AMOTL1: variants seen among roughly 807,000 people sequenced by gnomAD.
The protein encoded by AMOTL1 is angiomotin-like protein 1.
AMOTL1 carries 45 observed loss-of-function variants against 102.9 expected under a neutral mutation model. That is an observed-to-expected ratio of 0.44 (90% CI 0.34 to 0.56). The LOEUF (loss-of-function observed/expected upper bound fraction) is 0.56, where lower values mean the gene tolerates loss of function less well. Among genes scored for constraint, AMOTL1 ranks in the 20% least tolerant of loss-of-function variants. AMOTL1 has a pLI of 0.01. For missense variants in AMOTL1, 1,114 were observed against 1,225.6 expected (o/e 0.91, Z 1.36); for synonymous variants, 481 against 484.7 (o/e 0.99, Z 0.10).
At chr11:94,869,964 G>A (rs549485323) in intron 12 of AMOTL1, among the ~76,000 whole-genome samples, 4 of 152,326 alleles carry the variant, frequency 2.6e-5, no homozygotes, top group African/African-American at 9.6e-5. Context: ...CAGGACTAAC[G>A]AGCTGTTTAA....
intron 3 of AMOTL1, among the ~76,000 whole-genome samples, chr11:94,818,094 A>G (rs990977345): frequency 9.9e-5 from 15 of 152,248 alleles, no homozygotes; most frequent in Non-Finnish European, 1.6e-4. Context: ...CATAAGTTCA[A>G]TAAGAATCTT....
chr11:94,749,730 C>T (rs1037857073), intron 3 of AMOTL1, among the ~76,000 whole-genome samples: 7 of 152,140 alleles, frequency 4.6e-5, no homozygotes, highest in South Asian at 2.1e-4. Context: ...TAGTACTGAC[C>T]GCAGCCCATG....
At chr11:94,715,264 T>C (rs1175791426) in intron 1 of AMOTL1, among the ~76,000 whole-genome samples, 1 of 152,200 alleles carries the variant, frequency 6.6e-6, no homozygotes, top group Non-Finnish European at 1.5e-5. Context: ...CATTTGTTAA[T>C]AGCTGTTTTA....
chr11:94,775,562 G>C (rs374858893), intron 1 of AMOTL1, among the ~76,000 whole-genome samples: 10 of 152,004 alleles, frequency 6.6e-5, no homozygotes, highest in African/African-American at 2.4e-4. Flanking sequence ...GACCTATGCT[G>C]TCTGTAGTAA....
intron 2 of AMOTL1, among the ~76,000 whole-genome samples, chr11:94,797,746 A>G (rs1029101540): frequency 1.3e-5 from 2 of 152,222 alleles, no homozygotes; most frequent in African/African-American, 2.4e-5. Context: ...GAGAGCTAGC[A>G]TGTCTTGGAA....
At chr11:94,817,605 A>G (rs545211013) in intron 3 of AMOTL1, among the ~76,000 whole-genome samples, 1 of 152,340 alleles carries the variant, frequency 6.6e-6, no homozygotes, top group East Asian at 1.9e-4. Context: ...ATTGTATGCC[A>G]TAGAAGTAAC....
At chr11:94,743,770 T>G (rs536677181) in intron 3 of AMOTL1, among the ~76,000 whole-genome samples, 1 of 148,478 alleles carries the variant, frequency 6.7e-6, no homozygotes, top group East Asian at 2.1e-4. Flanking sequence ...CCTATTCTCC[T>G]GCCTCAGCCT....
chr11:94,792,859 G>A (rs1951308704), intron 1 of AMOTL1, among the ~76,000 whole-genome samples: 1 of 152,178 alleles, frequency 6.6e-6, no homozygotes, highest in South Asian at 2.1e-4. Flanking sequence ...CTCCGGCCCT[G>A]CTTCAAGGAT....
chr11:94,757,463 T>TA (rs964418673), intron 3 of AMOTL1, among the ~76,000 whole-genome samples: 1 of 152,164 alleles, frequency 6.6e-6, no homozygotes, highest in African/African-American at 2.4e-5. Context: ...GTCTGTGTTT[T>TA]AAAATCTGTA....
In AMOTL1 at chr11:94,852,276, G is replaced by T. The variant is rs114418124; in HGVS notation, c.1795-1657G>T. Among the ~76,000 whole-genome samples, 1,196 of 152,306 alleles carry T rather than the reference G, an allele frequency of 7.9e-3. 19 individuals are homozygous for T. The highest frequency in any genetic ancestry group is 0.028 in the African/African-American group (1,147 of 41,560). Reference sequence around the variant, plus strand: ...AAAGTTGCTCTCTCCTCCTTGAAAGGTCAAAGCATCTCCATTTTATTCCAG... The same window carrying T: ...AAAGTTGCTCTCTCCTCCTTGAAAGTTCAAAGCATCTCCATTTTATTCCAG... On this transcript the variant is annotated intron_variant, in intron 7 of 12. Transcript: ENST00000433060.
At chr11:94,735,156 G>A (rs1950419888) in intron 2 of AMOTL1, among the ~76,000 whole-genome samples, 1 of 152,330 alleles carries the variant, frequency 6.6e-6, no homozygotes, top group Middle Eastern at 3.4e-3. Context: ...GCTCCTCCAA[G>A]TAGAGCCTGC....
intron 2 of AMOTL1, among the ~76,000 whole-genome samples, chr11:94,729,494 G>A (rs1237211039): frequency 6.6e-6 from 1 of 152,026 alleles, no homozygotes; most frequent in Non-Finnish European, 1.5e-5. Context: ...TATAAACAGA[G>A]TAGGCCAGCT....
chr11:94,746,761 G>GC (rs1555062171), intron 3 of AMOTL1, among the ~76,000 whole-genome samples: 6 of 149,154 alleles, frequency 4.0e-5, no homozygotes, highest in Non-Finnish European at 8.8e-5. Context: ...ATGTTATTGT[G>GC]TTTTTTTGTT....
chr11:94,759,641 C>T (rs1177063945), intron 3 of AMOTL1, among the ~76,000 whole-genome samples: 1 of 149,820 alleles, frequency 6.7e-6, no homozygotes, highest in Admixed American at 6.6e-5. Flanking sequence ...GGCTCTGTCA[C>T]TTATTAGCCA....
Position 94,830,211 on chromosome 11 carries a change from T to C in AMOTL1, c.1558+17T>C. On this transcript the variant is annotated intron_variant, in intron 5 of 12. Transcript: ENST00000433060. ...ACCTCCGAGGCAGGTTTATTCATGT[T>C]CTCTCTATCTAAACTACCTGTAGAG... 6.3e-7 allele frequency: 1 copy of C among 1,583,592 alleles called. No homozygotes were observed. Among genetic ancestry groups the C allele is most frequent in the Non-Finnish European group, 8.6e-7 (1 of 1,167,722 alleles).
chr11:94,800,019 C>G lies in AMOTL1; in HGVS notation c.829C>G (p.Gln277Glu). The G allele has an allele frequency of 6.2e-7, 1 of 1,614,056 alleles. No homozygotes were observed. The highest frequency in any genetic ancestry group is 8.5e-7 in the Non-Finnish European group (1 of 1,179,890). Residue 277 changes from glutamine to glutamate, a missense_variant, in exon 3 of 13, where the codon CAA becomes GAA. By Grantham distance (29) the Gln-to-Glu change is conservative. Coordinates refer to ENST00000433060, the MANE Select transcript of AMOTL1 (RefSeq NM_130847.3). ...QLSLERNGAK[Q>E]HLPGSGNGKG... is the part of the protein sequence containing the mutation. ...GTCCCTGGAGAGGAATGGGGCCAAG[C>G]AACACCTTCCCGGCTCGGGGAATGG...
rs1953082228 is a variant in AMOTL1, at chr11:94,875,636, A to T, written c.*4841A>T. On this transcript the variant is annotated 3_prime_UTR_variant, in exon 13 of 13. Transcript: ENST00000433060. ...GATGAGAAATCCTCCTCCTTTGAGGATGGATTTAAGTTCTGGAAATAATCT... is the reference window on the plus strand; with the variant it reads ...GATGAGAAATCCTCCTCCTTTGAGGTTGGATTTAAGTTCTGGAAATAATCT... 2 of 152,208 alleles carry T rather than the reference A, an allele frequency of 1.3e-5. No homozygotes were observed. Among genetic ancestry groups the T allele is most frequent in the Non-Finnish European group, 2.9e-5 (2 of 68,044 alleles). The allele number at this position is 152,208 out of a possible 1,614,324, so 9.4% of individuals were successfully genotyped here.
At chr11:94,803,485 G>T (rs1337452551) in intron 3 of AMOTL1, among the ~76,000 whole-genome samples, 1 of 152,152 alleles carries the variant, frequency 6.6e-6, no homozygotes, top group African/African-American at 2.4e-5. Flanking sequence ...TGAAGGCTCT[G>T]GTTTTCCTCT....
rs1451993465 is a variant in AMOTL1 at position 94,857,233 on chromosome 11, A to T, written c.1945-2292A>T. Among the ~76,000 whole-genome samples the T allele has an allele frequency of 2.0e-5, 3 of 152,376 alleles. No homozygotes were observed. In the East Asian group the frequency reaches 5.8e-4, roughly 29 times the overall value. ...CAAAGTACTTTTTGGAATGCCTTGCACTTAGCAACTGATTAAAAACAAATC... is the reference window on the plus strand; with the variant it reads ...CAAAGTACTTTTTGGAATGCCTTGCTCTTAGCAACTGATTAAAAACAAATC... On this transcript the variant is annotated intron_variant, in intron 8 of 12. Transcript: ENST00000433060.
Sources: gnomAD v4.1 joint callset for allele counts (sites outside exome capture counted in the v4.1 genomes callset) on GRCh38, gnomAD v4.1.1 for gene constraint, MANE v1.5 for transcripts, NCBI Gene and HGNC (gene_info 2026-07-23, HGNC 2026-07-21) for gene names.